Variants in N4BP2L2 observed in about 807,000 individuals in gnomAD.
N4BP2L2 encodes NEDD4-binding protein 2-like 2.
Under a neutral mutation model 56.2 loss-of-function variants are expected in N4BP2L2, and 50 were observed. The observed-to-expected ratio is 0.89, with a 90% CI of 0.71 to 1.13. The LOEUF is 1.13. N4BP2L2 is among the 50% of genes most tolerant of loss of function. The pLI is 0.00. For synonymous variants in N4BP2L2, 203 were observed against 223.6 expected, an observed-to-expected ratio of 0.91 and a Z score of 0.82; for missense variants, 689 against 693.8, an observed-to-expected ratio of 0.99 and a Z score of 0.08.
chr13:32,499,495 G>C (rs1309062100), intron 6 of N4BP2L2, among the ~76,000 whole-genome samples: 1 of 152,154 alleles, frequency 6.6e-6, no homozygotes, highest in Non-Finnish European at 1.5e-5. Flanking sequence ...AATGCAGCAA[G>C]GAAGCCTCAT....
At chr13:32,489,760 C>T (rs1264508574) in intron 6 of N4BP2L2, among the ~76,000 whole-genome samples, 1 of 102,528 alleles carries the variant, frequency 9.8e-6, no homozygotes, top group Non-Finnish European at 2.1e-5. Context: ...GTCAATTCCC[C>T]TCCTGAAAAA....
exon 6 of N4BP2L2, chr13:32,510,402 C>T (rs934611199): frequency 6.6e-6 from 1 of 151,122 alleles, no homozygotes; most frequent in Non-Finnish European, 1.5e-5. Context: ...GTAAATAATT[C>T]AATGGAAAAA....
rs1263271470 is a variant in N4BP2L2, at chr13:32,522,359, G to A, written c.1385-89C>T. On this transcript the variant is annotated intron_variant, in intron 3 of 5. Coordinates refer to ENST00000267068, the Ensembl canonical transcript of N4BP2L2. ...CATTTATTATTAAGAAATGTACTAC[G>A]TCTCTGTACTTAAAACCAAAACTGT... is the stretch of plus-strand genomic sequence containing the variant. 26 of 848,008 alleles carry A rather than the reference G, an allele frequency of 3.1e-5. 1 individual carries two copies. Among genetic ancestry groups the A allele is most frequent in the South Asian group, 8.5e-5 (4 of 47,222 alleles). The allele number at this position is 848,008 out of a possible 1,614,324, so 52.5% of individuals were successfully genotyped here.
intron 6 of N4BP2L2, among the ~76,000 whole-genome samples, chr13:32,494,523 G>A (rs1057073583): frequency 2.6e-5 from 4 of 152,180 alleles, no homozygotes; most frequent in African/African-American, 9.6e-5. Context: ...TAGCACTTTG[G>A]GAGGCCGAGG....
intron 8 of N4BP2L2, among the ~76,000 whole-genome samples, chr13:32,438,448 C>T (rs1472378381): frequency 6.6e-6 from 1 of 152,052 alleles, no homozygotes; most frequent in East Asian, 1.9e-4. Context: ...AATATACCTC[C>T]ACTGGCCAGG....
chr13:32,486,605 G>C (rs2085918218), intron 6 of N4BP2L2, among the ~76,000 whole-genome samples: 1 of 152,006 alleles, frequency 6.6e-6, no homozygotes, highest in Non-Finnish European at 1.5e-5. Flanking sequence ...GAACCCGGGA[G>C]GCAAAAGTTG....
chr13:32,527,201 A>G (rs1038883977), intron 3 of N4BP2L2: 2 of 513,594 alleles, frequency 3.9e-6, no homozygotes, highest in African/African-American at 3.8e-5. Flanking sequence ...GTTTTATCTA[A>G]ATTCTCTGCT....
At chr13:32,509,285 T>C (rs1350700257), downstream of N4BP2L2, 1 of 152,202 alleles carries the variant, frequency 6.6e-6, no homozygotes, top group Non-Finnish European at 1.5e-5. Flanking sequence ...CACTTTGGAT[T>C]TCCAGGTTAG....
chr13:32,488,173 G>A (rs1339507421), intron 6 of N4BP2L2, among the ~76,000 whole-genome samples: 4 of 152,116 alleles, frequency 2.6e-5, no homozygotes, highest in Admixed American at 6.6e-5. Flanking sequence ...ATACAGCTAC[G>A]TTAGGTTGGA....
At chr13:32,438,930 A>G (rs1282679973) in intron 7 of N4BP2L2, among the ~76,000 whole-genome samples, 3 of 152,258 alleles carry the variant, frequency 2.0e-5, no homozygotes, top group Admixed American at 2.0e-4. Flanking sequence ...CTCCAATACT[A>G]GGATTCATTT....
In N4BP2L2 at chr13:32,480,137, G is replaced by T. The variant is rs117994020; in HGVS notation, c.366-36011C>A. Among the ~76,000 whole-genome samples the T allele has an allele frequency of 9.9e-3, 1,507 of 152,122 alleles. 27 individuals are homozygous for T. Among genetic ancestry groups the T allele is most frequent in the Non-Finnish European group, 9.2e-3 (626 of 67,986 alleles). ...CTTAAAATCAGCCAGAAAATGACAG[G>T]CTATCTTCACAGGAACAACAATTAG... On this transcript the variant is annotated intron_variant, in intron 6 of 9. Transcript: ENST00000357505.
downstream of N4BP2L2, chr13:32,507,572 G>C (rs2091156496): frequency 6.6e-6 from 1 of 152,084 alleles, no homozygotes. Flanking sequence ...TCTCAGGTGA[G>C]ACCTAAACAT....
chr13:32,488,254 G>GCA (rs2086313817), intron 6 of N4BP2L2, among the ~76,000 whole-genome samples: 1 of 152,170 alleles, frequency 6.6e-6, no homozygotes, highest in Non-Finnish European at 1.5e-5. Flanking sequence ...TATGTCCTTT[G>GCA]AAGTAACATG....
chr13:32,521,247 A>T, intron 5 of N4BP2L2, 126 bp downstream of exon 5: 1 of 718,380 alleles, frequency 1.4e-6, no homozygotes, highest in South Asian at 1.9e-5. Flanking sequence ...CAGAGAAAAA[A>T]GGTCCTCACA....
chr13:32,477,221 A>C, intron 6 of N4BP2L2: 1 of 417,616 alleles, frequency 2.4e-6, no homozygotes, highest in Non-Finnish European at 4.5e-6. Flanking sequence ...TGCCCTGGCT[A>C]TGAACTATGC....
intron 6 of N4BP2L2, among the ~76,000 whole-genome samples, chr13:32,459,798 T>C (rs2079678908): frequency 6.6e-6 from 1 of 152,058 alleles, no homozygotes; most frequent in Non-Finnish European, 1.5e-5. Context: ...TGTCCTTACC[T>C]CTTTCTATAA....
At chr13:32,484,640 A>T (rs1022005317) in intron 6 of N4BP2L2, among the ~76,000 whole-genome samples, 1 of 151,968 alleles carries the variant, frequency 6.6e-6, no homozygotes, top group Non-Finnish European at 1.5e-5. Flanking sequence ...CAGCGCCACC[A>T]CGCCCAGCTA....
At chr13:32,433,691 C>T (rs975260903) in intron 9 of N4BP2L2, among the ~76,000 whole-genome samples, 5 of 151,300 alleles carry the variant, frequency 3.3e-5, no homozygotes, top group Non-Finnish European at 7.4e-5. Flanking sequence ...CTTTGGGAGG[C>T]CAAGGCAGGT....
chr13:32,536,711 C>G lies in N4BP2L2; in HGVS notation c.317G>C (p.Arg106Pro), dbSNP rs747075017. Residue 106 changes from arginine (R) to proline (P), a missense_variant, in exon 2 of 6, where the codon CGT becomes CCT. Transcript: ENST00000267068. ...ATCGTCTGCGGATACTAATGGAGGACGTGCTTCCTGTAAAACCTGTGAATC... is the reference window on the plus strand; with the variant it reads ...ATCGTCTGCGGATACTAATGGAGGAGGTGCTTCCTGTAAAACCTGTGAATC... 1.2e-5 allele frequency: 20 copies of G among 1,614,090 alleles called. No homozygotes were observed. The Admixed American group carries it at 3.3e-4, about 27-fold the overall frequency.
Sources: allele counts gnomAD v4.1 joint callset (sites outside exome capture counted in the v4.1 genomes callset), GRCh38; gene constraint gnomAD v4.1.1; transcripts MANE v1.5; gene names NCBI Gene and HGNC (gene_info 2026-07-23, HGNC 2026-07-21).